Variants in ZNF407 observed in about 807,000 individuals in gnomAD.
ZNF407 encodes zinc finger protein 407.
ZNF407 carries 17 observed loss-of-function variants against 131.2 expected under a neutral mutation model. The observed-to-expected ratio is 0.13, with a 90% confidence interval of 0.09 to 0.19. The LOEUF (loss-of-function observed/expected upper bound fraction) is 0.19, where lower values mean the gene tolerates loss of function less well. Ranked by LOEUF, ZNF407 falls within the 10% of genes least tolerant of loss-of-function variation. The pLI is 1.00. For synonymous variants in ZNF407, 1,156 were observed against 1,062.0 expected, an observed-to-expected ratio of 1.09 and a Z score of -1.72; for missense variants, 2,681 against 2,830.6, an observed-to-expected ratio of 0.95 and a Z score of 1.20.
intron 8 of ZNF407, among the ~76,000 whole-genome samples, chr18:75,020,444 C>T (rs1400406181): frequency 6.6e-6 from 1 of 151,960 alleles, no homozygotes; most frequent in Non-Finnish European, 1.5e-5. Context: ...AAACTTTTTC[C>T]TGGAAATCAA....
intron 3 of ZNF407, among the ~76,000 whole-genome samples, chr18:74,702,028 A>G (rs145397905): frequency 6.6e-6 from 1 of 152,202 alleles, no homozygotes; most frequent in African/African-American, 2.4e-5. Context: ...TACCATTATT[A>G]TACTGAAAAT....
In ZNF407 at chr18:74,631,700, C is replaced by G. The variant is rs1447530747; in HGVS notation, c.681C>G (p.Ser227Arg). Residue 227 changes from serine (S) to arginine (R), a missense_variant, in exon 2 of 9, where the codon AGC becomes AGG. Physicochemically the swap from Ser to Arg is moderately radical, Grantham distance 110. Around this residue, in one of 6 missense-constraint regions of ZNF407, gnomAD observed 1,789 missense variants for 1,748.7 expected, o/e 1.02. Coordinates refer to ENST00000299687, the MANE Select transcript of ZNF407 (RefSeq NM_017757.3). Reference protein sequence around the residue: ...CCHCSHKAESSSALHMHIKQA... With the variant: ...CCHCSHKAESRSALHMHIKQA... ...ACTGCAGCCACAAAGCAGAGAGCAGCTCAGCACTACATATGCATATCAAAC... is the reference window on the plus strand; with the variant it reads ...ACTGCAGCCACAAAGCAGAGAGCAGGTCAGCACTACATATGCATATCAAAC... 1 of 1,614,012 alleles carries G rather than the reference C, an allele frequency of 6.2e-7. No individual in the cohort carries two copies. Among genetic ancestry groups the G allele is most frequent in the South Asian group, 1.1e-5 (1 of 91,080 alleles).
rs565075720 is a variant in ZNF407 at position 74,826,927 on chromosome 18, T to C, written c.4877+45425T>C. 2.0e-5 allele frequency among the ~76,000 whole-genome samples: 3 copies of C among 152,356 alleles called. No homozygotes were observed. In the East Asian group the frequency reaches 5.8e-4, roughly 29 times the overall value. On this transcript the variant is annotated intron_variant, in intron 4 of 8. Transcript: ENST00000299687. ...CTTTGTATTGAATCAGTTTTCAAAT[T>C]ATAGAAAAGTTGTGAACATCATACA...
At chr18:74,795,905 G>T (rs1004417192) in intron 4 of ZNF407, among the ~76,000 whole-genome samples, 2 of 152,226 alleles carry the variant, frequency 1.3e-5, no homozygotes, top group Non-Finnish European at 2.9e-5. Context: ...TATATAGTGA[G>T]AGTCCTCCAC....
At chr18:74,623,707 CTT>C (rs138146447) in intron 1 of ZNF407, among the ~76,000 whole-genome samples, 2 of 150,640 alleles carry the variant, frequency 1.3e-5, no homozygotes, top group Non-Finnish European at 3.0e-5. Context: ...TTTATTGAAA[CTT>C]TTTTTTTTCT....
chr18:74,975,072 G>T (rs940216958), intron 8 of ZNF407, among the ~76,000 whole-genome samples: 10 of 152,164 alleles, frequency 6.6e-5, no homozygotes, highest in African/African-American at 2.4e-4. Context: ...CAGTCTTTAT[G>T]TAAAGCGTAA....
intron 4 of ZNF407, among the ~76,000 whole-genome samples, chr18:74,854,459 T>C (rs1263185737): frequency 6.6e-6 from 1 of 152,226 alleles, no homozygotes; most frequent in Non-Finnish European, 1.5e-5. Context: ...ACAAACACTT[T>C]ATTTCCTTGG....
In ZNF407 at chr18:74,885,823, A is replaced by T. The variant is rs1171600052; in HGVS notation, c.5129-4095A>T. On this transcript the variant is annotated intron_variant, in intron 6 of 8. Coordinates refer to ENST00000299687, the MANE Select transcript of ZNF407 (RefSeq NM_017757.3). The stretch of plus-strand genomic sequence containing the variant: ...CGTATACAAAAATTAACTCAAAATG[A>T]TCATAATCTAAATGTAAAACTTAAA... Among the ~76,000 whole-genome samples, 4 of 152,218 alleles carry T rather than the reference A, an allele frequency of 2.6e-5. No individual in the cohort carries two copies. In the East Asian group the frequency reaches 5.8e-4, roughly 22 times the overall value.
At chr18:75,052,669 A>G (rs1353006902) in intron 8 of ZNF407, among the ~76,000 whole-genome samples, 1 of 152,176 alleles carries the variant, frequency 6.6e-6, no homozygotes, top group Non-Finnish European at 1.5e-5. Context: ...CGCCTGATAG[A>G]GCTCGTTTCT....
chr18:74,998,369 A>G (rs898000259), intron 8 of ZNF407, among the ~76,000 whole-genome samples: 1 of 152,214 alleles, frequency 6.6e-6, no homozygotes, highest in African/African-American at 2.4e-5. Flanking sequence ...TGCCTCCTTC[A>G]GTGTGGGAAG....
At chr18:74,826,703 G>C (rs1970414664) in intron 4 of ZNF407, among the ~76,000 whole-genome samples, 1 of 152,132 alleles carries the variant, frequency 6.6e-6, no homozygotes, top group Non-Finnish European at 1.5e-5. Context: ...TCCCCAAGCA[G>C]AGCGGGAATT....
In ZNF407 at chr18:75,026,003, G is replaced by A. The variant is rs182106572; in HGVS notation, c.5429-37147G>A. Among the ~76,000 whole-genome samples, 14 of 152,258 alleles carry A rather than the reference G, an allele frequency of 9.2e-5. 1 individual carries two copies. The South Asian group carries it at 1.9e-3, about 20-fold the overall frequency. ...CGTTAATTGAATCAACATCCACTAC[G>A]TAGAAGGTGTCTCTCACTTTAGAGT... On this transcript the variant is annotated intron_variant, in intron 8 of 8. Transcript: ENST00000299687.
At position 74,641,255 on chromosome 18, in the gene ZNF407, T is replaced by G. The variant is rs926660534; in HGVS notation, c.4802+133T>G. The G allele has an allele frequency of 4.6e-6, 3 of 646,436 alleles. No homozygotes were observed. In the African/African-American group the frequency reaches 5.4e-5, roughly 12 times the overall value. 40.0% of individuals were successfully genotyped at this position (646,436 alleles called of 1,614,324 possible). On this transcript the variant is annotated intron_variant, in intron 3 of 8. Transcript: ENST00000299687. Reference sequence around the variant, plus strand: ...ATGCGTACCCTCCTTTCCATTGTTATGGTAAATTCCTTAAATACAGTTATG... The same window carrying G: ...ATGCGTACCCTCCTTTCCATTGTTAGGGTAAATTCCTTAAATACAGTTATG...
At chr18:74,869,663 GA>G (rs1291814131) in intron 4 of ZNF407, among the ~76,000 whole-genome samples, 1 of 152,116 alleles carries the variant, frequency 6.6e-6, no homozygotes, top group Non-Finnish European at 1.5e-5. Context: ...GGGGGGATTT[GA>G]ACTTTCATCC....
At chr18:74,952,378 C>G (rs967218383) in intron 8 of ZNF407, among the ~76,000 whole-genome samples, 4 of 152,170 alleles carry the variant, frequency 2.6e-5, no homozygotes, top group Non-Finnish European at 4.4e-5. Flanking sequence ...TGGAGAAGCA[C>G]TTGGGCACAG....
intron 7 of ZNF407, among the ~76,000 whole-genome samples, chr18:74,897,558 C>T (rs1488074128): frequency 6.6e-6 from 1 of 152,104 alleles, no homozygotes; most frequent in African/African-American, 2.4e-5. Context: ...TATGGACAGT[C>T]CCTTGGGTAG....
At chr18:74,696,686 G>A (rs991630564) in intron 3 of ZNF407, among the ~76,000 whole-genome samples, 1 of 152,154 alleles carries the variant, frequency 6.6e-6, no homozygotes, top group Non-Finnish European at 1.5e-5. Flanking sequence ...ATGAATGTAT[G>A]TATGTATGTA....
intron 7 of ZNF407, among the ~76,000 whole-genome samples, chr18:74,890,599 A>C (rs1435653251): frequency 1.3e-5 from 2 of 152,166 alleles, no homozygotes; most frequent in Admixed American, 1.3e-4. Flanking sequence ...ATTTTAATTA[A>C]TCAGTTGTTC....
At chr18:74,666,465 C>T (rs1287728590) in intron 3 of ZNF407, among the ~76,000 whole-genome samples, 1 of 152,146 alleles carries the variant, frequency 6.6e-6, no homozygotes, top group South Asian at 2.1e-4. Context: ...TCCATGGAGC[C>T]CAGTTGCCTT....
Sources: allele counts gnomAD v4.1 joint callset (sites outside exome capture counted in the v4.1 genomes callset), GRCh38; gene constraint gnomAD v4.1.1; regional missense constraint gnomAD v4.1.1; transcripts MANE v1.5; gene names NCBI Gene and HGNC (gene_info 2026-07-23, HGNC 2026-07-21).